Variants in SASH1 observed in about 807,000 individuals in gnomAD.
SASH1 encodes the protein SAM and SH3 domain containing 1.
In SASH1, 44 loss-of-function variants were observed where a neutral mutation model predicts 125.2. The ratio of observed to expected loss-of-function variants is 0.35; its 90% CI spans 0.28 to 0.45. SASH1 has a LOEUF of 0.45. SASH1 is among the 20% of genes least tolerant of loss of function. SASH1 has a pLI of 1.00. For missense variants in SASH1, 1,426 were observed against 1,614.5 expected, an observed-to-expected ratio of 0.88 and a Z score of 2.00; for synonymous variants, 639 against 649.1, an observed-to-expected ratio of 0.98 and a Z score of 0.24.
intron 1 of SASH1, among the ~76,000 whole-genome samples, chr6:148,352,656 A>G (rs1781776178): frequency 6.6e-6 from 1 of 152,004 alleles, no homozygotes; most frequent in East Asian, 1.9e-4. Context: ...ACTGTGCATG[A>G]CATACGATGA....
At chr6:148,289,989 T>C (rs2128508434) in intron 1 of SASH1, among the ~76,000 whole-genome samples, 1 of 148,194 alleles carries the variant, frequency 6.7e-6, no homozygotes, top group African/African-American at 2.5e-5. Flanking sequence ...TGCCTCAGCC[T>C]CTTGAGTAGC....
chr6:148,482,879 G>C (rs565939857), intron 7 of SASH1, among the ~76,000 whole-genome samples: 103 of 151,972 alleles, frequency 6.8e-4, no homozygotes, highest in African/African-American at 2.3e-3. Context: ...AGTAGAGACA[G>C]GGTTTCACCA....
At chr6:148,443,228 C>G (rs1377578360) in intron 4 of SASH1, among the ~76,000 whole-genome samples, 1 of 149,262 alleles carries the variant, frequency 6.7e-6, no homozygotes, top group Non-Finnish European at 1.5e-5. Context: ...GTTTCTTAGC[C>G]TTTTTCAGAG....
the SASH1 span, among the ~76,000 whole-genome samples, chr6:148,200,137 A>G: frequency 6.6e-6 from 1 of 152,220 alleles, no homozygotes; most frequent in Non-Finnish European, 1.5e-5. Flanking sequence ...AAAATAAAAA[A>G]GTGGACTTGC....
intron 8 of SASH1, among the ~76,000 whole-genome samples, chr6:148,501,444 C>T (rs954983987): frequency 6.6e-6 from 1 of 152,092 alleles, no homozygotes; most frequent in Admixed American, 6.5e-5. Context: ...TTTTCCATGG[C>T]ATGTGAGAAT....
chr6:148,355,609 G>T (rs574173964), intron 1 of SASH1, among the ~76,000 whole-genome samples: 1 of 152,142 alleles, frequency 6.6e-6, no homozygotes, highest in Non-Finnish European at 1.5e-5. Flanking sequence ...GCCCCTGAGT[G>T]GCTGCATATT....
intron 2 of SASH1, among the ~76,000 whole-genome samples, chr6:148,429,568 T>C (rs771365765): frequency 6.6e-6 from 1 of 151,568 alleles, no homozygotes; most frequent in African/African-American, 2.4e-5. Context: ...CTGGCCAACA[T>C]AGCAAGACTC....
intron 1 of SASH1, among the ~76,000 whole-genome samples, chr6:148,289,188 ATTGT>A (rs896934760): frequency 3.9e-5 from 6 of 152,036 alleles, no homozygotes; most frequent in Admixed American, 3.9e-4. Flanking sequence ...GTTTCAAGGG[ATTGT>A]TTGTTTTCAT....
intron 2 of SASH1, among the ~76,000 whole-genome samples, chr6:148,412,504 C>T (rs949423885): frequency 2.0e-5 from 3 of 152,166 alleles, no homozygotes; most frequent in Non-Finnish European, 4.4e-5. Context: ...TGTCAGTTTG[C>T]AATGAGTTCC....
At chr6:148,371,827 C>T in intron 1 of SASH1, among the ~76,000 whole-genome samples, 1 of 152,168 alleles carries the variant, frequency 6.6e-6, no homozygotes, top group East Asian at 1.9e-4. Flanking sequence ...ACAGTTAATT[C>T]TAATGGCCTA....
chr6:148,540,814 A>G (rs536694884), intron 17 of SASH1, among the ~76,000 whole-genome samples: 2 of 152,274 alleles, frequency 1.3e-5, no homozygotes, highest in South Asian at 4.1e-4. Context: ...TCTGTATGCA[A>G]TAAAAACCAA....
At chr6:148,275,059 TAGAATTC>T (rs1324259555) in intron 1 of SASH1, among the ~76,000 whole-genome samples, 30 of 152,304 alleles carry the variant, frequency 2.0e-4, no homozygotes, top group African/African-American at 7.2e-4. Context: ...AGCCATTGTT[TAGAATTC>T]AGAACACATT....
intron 8 of SASH1, among the ~76,000 whole-genome samples, chr6:148,509,771 C>G (rs1482875828): frequency 1.3e-5 from 2 of 152,196 alleles, no homozygotes; most frequent in African/African-American, 2.4e-5. Context: ...TGAGCTCCGG[C>G]ACACAAATGT....
At chr6:148,524,951 C>T in intron 10 of SASH1, 1 of 250,112 alleles carries the variant, frequency 4.0e-6, no homozygotes, top group Non-Finnish European at 7.8e-6. Flanking sequence ...AGGGGAAGTT[C>T]TGTGCTGGAG....
In SASH1 at chr6:148,548,645, G is replaced by C; in HGVS notation, c.*87G>C. On this transcript the variant is annotated 3_prime_UTR_variant, in exon 20 of 20. Coordinates refer to ENST00000367467, the MANE Select transcript of SASH1 (RefSeq NM_015278.5). Reference sequence around the variant, plus strand: ...TGCAATTCCTCCATCATCTCTGGACGTGCAGACCAGATCCAGAAGAAAGGC... The same window carrying C: ...TGCAATTCCTCCATCATCTCTGGACCTGCAGACCAGATCCAGAAGAAAGGC... The C allele has an allele frequency of 7.0e-7, 1 of 1,429,282 alleles. No individual in the cohort carries two copies. Among genetic ancestry groups the C allele is most frequent in the Non-Finnish European group, 9.4e-7 (1 of 1,063,136 alleles). The allele number at this position is 1,429,282 out of a possible 1,614,324, so 88.5% of individuals were successfully genotyped here.
Position 148,416,011 on chromosome 6 carries a change from A to ATCCATCAAG in SASH1, c.286-24172_286-24164dup, listed in dbSNP as rs372473930. Among the ~76,000 whole-genome samples the ATCCATCAAG allele has an allele frequency of 3.8e-3, 578 of 152,362 alleles. 3 individuals are homozygous for ATCCATCAAG. Among genetic ancestry groups the ATCCATCAAG allele is most frequent in the African/African-American group, 0.012 (518 of 41,592 alleles). ...AGGAGATCCCACACTTCAAGCCTACATCCATCAAGGCATTTGGTTAACTGC... is the reference window on the plus strand; with the variant it reads ...AGGAGATCCCACACTTCAAGCCTACATCCATCAAGTCCATCAAGGCATTTGGTTAACTGC... On this transcript the variant is annotated intron_variant, in intron 2 of 19. Transcript: ENST00000367467.
At chr6:148,406,764 G>C (rs1238573204) in intron 2 of SASH1, among the ~76,000 whole-genome samples, 2 of 152,114 alleles carry the variant, frequency 1.3e-5, no homozygotes, top group Non-Finnish European at 2.9e-5. Context: ...GGAGCAGAGA[G>C]AATCAGGCTC....
the SASH1 span, among the ~76,000 whole-genome samples, chr6:148,212,006 G>A: frequency 5.9e-5 from 9 of 152,202 alleles, no homozygotes; most frequent in African/African-American, 1.9e-4. Flanking sequence ...TGGGACTGAG[G>A]AATGTCCCCT....
At chr6:148,354,995 G>T (rs2114680330) in intron 1 of SASH1, among the ~76,000 whole-genome samples, 1 of 152,248 alleles carries the variant, frequency 6.6e-6, no homozygotes, top group Non-Finnish European at 1.5e-5. Context: ...CTGACCTCAG[G>T]TGATCCACCC....
Sources: gnomAD v4.1 joint callset for allele counts (sites outside exome capture counted in the v4.1 genomes callset) on GRCh38, gnomAD v4.1.1 for gene constraint, MANE v1.5 for transcripts, NCBI Gene and HGNC (gene_info 2026-07-23, HGNC 2026-07-21) for gene names.